Variants in TINAG observed in about 807,000 individuals in gnomAD.
TINAG encodes the protein tubulointerstitial nephritis antigen.
Under a neutral mutation model 72.7 loss-of-function variants are expected in TINAG, and 83 were observed. The ratio of observed to expected loss-of-function variants is 1.14; its 90% CI spans 0.96 to 1.37. The LOEUF (loss-of-function observed/expected upper bound fraction) is 1.37, where lower values mean the gene tolerates loss of function less well. TINAG is among the 40% of genes most tolerant of loss of function. The pLI is 0.00. For missense variants in TINAG, 685 were observed against 576.6 expected (o/e 1.19, Z -1.93); for synonymous variants, 234 against 189.9 (o/e 1.23, Z -1.91).
At chr6:54,337,039 G>A (rs1452103260) in intron 4 of TINAG, among the ~76,000 whole-genome samples, 1 of 151,646 alleles carries the variant, frequency 6.6e-6, no homozygotes, top group Non-Finnish European at 1.5e-5. Context: ...ATCTTTTAAA[G>A]CCAATGATTT....
At chr6:54,382,356 G>A (rs1763977610) in intron 10 of TINAG, among the ~76,000 whole-genome samples, 1 of 152,102 alleles carries the variant, frequency 6.6e-6, no homozygotes, top group Non-Finnish European at 1.5e-5. Flanking sequence ...TATCTCAAGG[G>A]TAAAGTATTT....
In TINAG at chr6:54,347,227, T is replaced by C. The variant is rs1054341635; in HGVS notation, c.749-140T>C. On this transcript the variant is annotated intron_variant, in intron 5 of 10. Transcript: ENST00000259782. ...AGTTCAACTGTCTGGAATACATAAA[T>C]ATATTAATGCTCTTTGGCTTTAATT... 21 of 796,084 alleles carry C rather than the reference T, an allele frequency of 2.6e-5. No individual in the cohort carries two copies. In the East Asian group the frequency reaches 5.6e-4, roughly 21 times the overall value. 49.3% of individuals were successfully genotyped at this position (796,084 alleles called of 1,614,324 possible). A position where few individuals can be genotyped will look rare whatever the true frequency, so the allele number is the denominator to read the frequency against.
chr6:54,327,042 A>G, intron 4 of TINAG, 126 bp downstream of exon 4: 2 of 1,542,366 alleles, frequency 1.3e-6, no homozygotes, highest in South Asian at 2.5e-5. Context: ...TTTGTCACAT[A>G]AATAAAAAAC....
intron 4 of TINAG, among the ~76,000 whole-genome samples, chr6:54,335,539 A>G (rs73444725): frequency 0.021 from 3,177 of 152,254 alleles, 104 homozygotes; most frequent in African/African-American, 0.072. Flanking sequence ...AGAGGTTTTA[A>G]TATGTGGTCA....
At chr6:54,373,563 A>C (rs1763693426) in intron 9 of TINAG, among the ~76,000 whole-genome samples, 4 of 152,124 alleles carry the variant, frequency 2.6e-5, no homozygotes, top group Non-Finnish European at 5.9e-5. Context: ...TTTGGGCCTC[A>C]GTCCCTTTAT....
intron 10 of TINAG, among the ~76,000 whole-genome samples, chr6:54,383,157 ATATC>A (rs1205440866): frequency 6.6e-6 from 1 of 152,168 alleles, no homozygotes; most frequent in African/African-American, 2.4e-5. Context: ...GAATGGCTAC[ATATC>A]TAATTGTCAA....
At chr6:54,321,515 TAGAA>T (rs767500148) in intron 3 of TINAG, 129 bp downstream of exon 3, 5 of 644,072 alleles carry the variant, frequency 7.8e-6, no homozygotes, top group Non-Finnish European at 1.4e-5. Context: ...GGAAGGGAGA[TAGAA>T]AGCATGTAAA....
At chr6:54,338,354 G>A (rs899190412) in intron 4 of TINAG, among the ~76,000 whole-genome samples, 3 of 152,134 alleles carry the variant, frequency 2.0e-5, no homozygotes, top group Non-Finnish European at 4.4e-5. Flanking sequence ...GTCATTTTGT[G>A]TGTTCATAGT....
At chr6:54,379,382 A>G (rs1171172728) in intron 9 of TINAG, among the ~76,000 whole-genome samples, 3 of 152,186 alleles carry the variant, frequency 2.0e-5, no homozygotes, top group Admixed American at 1.3e-4. Flanking sequence ...ACCTCGCTGG[A>G]TTTAATCATG....
chr6:54,341,054 A>G (rs1784985287), intron 4 of TINAG, among the ~76,000 whole-genome samples: 1 of 152,110 alleles, frequency 6.6e-6, no homozygotes, highest in Admixed American at 6.6e-5. Context: ...AGTAATAGTT[A>G]TATGTTTATT....
intron 1 of TINAG, among the ~76,000 whole-genome samples, chr6:54,313,407 G>T (rs898139478): frequency 2.0e-5 from 3 of 152,032 alleles, no homozygotes; most frequent in African/African-American, 7.2e-5. Context: ...TTACTTAACA[G>T]ACCCTTCTGT....
intron 8 of TINAG, among the ~76,000 whole-genome samples, chr6:54,352,176 T>C (rs1785281680): frequency 6.6e-6 from 1 of 151,832 alleles, no homozygotes; most frequent in South Asian, 2.1e-4. Context: ...GCCCGGAATA[T>C]ATTATCAATG....
intron 9 of TINAG, among the ~76,000 whole-genome samples, chr6:54,359,953 A>C (rs1246420100): frequency 1.3e-5 from 2 of 151,818 alleles, no homozygotes; most frequent in East Asian, 3.9e-4. Flanking sequence ...GTAACACGAC[A>C]AATTCTGTTT....
chr6:54,359,612 GA>G (rs1461851056), intron 9 of TINAG, among the ~76,000 whole-genome samples: 6 of 151,752 alleles, frequency 4.0e-5, no homozygotes, highest in African/African-American at 1.5e-4. Flanking sequence ...TTGCAATAGT[GA>G]ATTCACTTTT....
Position 54,308,636 on chromosome 6 carries a change from T to C in TINAG, c.86T>C (p.Val29Ala). 1 of 1,613,788 alleles carries C rather than the reference T, an allele frequency of 6.2e-7. No individual in the cohort carries two copies. Residue 29 changes from valine (V) to alanine (A), a missense_variant, in exon 1 of 11, where the codon GTG becomes GCG. By Grantham distance (64) the Val-to-Ala change is moderately conservative (BLOSUM62 0). Transcript: ENST00000259782. ...MEKQYLSQRE[V>A]DLEAYFTRNH... ...AAGCAGTATTTATCTCAAAGAGAAG[T>C]GGACCTAGAGGCTTATTTCACTAGG...
Position 54,319,766 on chromosome 6 carries a change from T to A in TINAG, c.356-813T>A, listed in dbSNP as rs1419460905. 2.0e-5 allele frequency among the ~76,000 whole-genome samples: 3 copies of A among 152,136 alleles called. No individual in the cohort carries two copies. In the South Asian group the frequency reaches 6.2e-4, roughly 31 times the overall value. ...TTTGTTTAATTAGAGGCCATTGGCA[T>A]AAAATACCAATTACATGTTTCTATC... On this transcript the variant is annotated intron_variant, in intron 1 of 10. Transcript: ENST00000259782.
chr6:54,375,369 C>T (rs1307492455), intron 9 of TINAG, among the ~76,000 whole-genome samples: 1 of 151,956 alleles, frequency 6.6e-6, no homozygotes, highest in African/African-American at 2.4e-5. Flanking sequence ...AGAGAAAATC[C>T]AGAAGAAGGT....
chr6:54,314,768 CA>C (rs968608395), intron 1 of TINAG, among the ~76,000 whole-genome samples: 5 of 151,876 alleles, frequency 3.3e-5, no homozygotes, highest in Admixed American at 2.6e-4. Flanking sequence ...ACAGTGCATA[CA>C]AAAAAAGTAG....
chr6:54,325,204 T>C (rs1784576443), intron 3 of TINAG, among the ~76,000 whole-genome samples: 1 of 152,264 alleles, frequency 6.6e-6, no homozygotes, highest in African/African-American at 2.4e-5. Context: ...TTGAAGCTTT[T>C]GATCATATTT....
Sources: allele counts gnomAD v4.1 joint callset (sites outside exome capture counted in the v4.1 genomes callset), GRCh38; gene constraint gnomAD v4.1.1; transcripts MANE v1.5; gene names NCBI Gene and HGNC (gene_info 2026-07-23, HGNC 2026-07-21).